RNMT: variants seen among roughly 807,000 people sequenced by gnomAD.
The protein encoded by RNMT is RNA guanine-7 methyltransferase.
RNMT carries 27 observed loss-of-function variants against 56.0 expected under a neutral mutation model. That is an observed-to-expected ratio of 0.48 (90% CI 0.36 to 0.67). The LOEUF is 0.67. Among genes scored for constraint, RNMT ranks in the 30% least tolerant of loss-of-function variants. The probability of loss-of-function intolerance (pLI) is 0.00; values close to 1 mark genes in which losing one functional copy is unlikely to be tolerated. For missense variants in RNMT, 519 were observed against 552.1 expected (o/e 0.94, Z 0.60); for synonymous variants, 184 against 176.2 (o/e 1.04, Z -0.35).
At chr18:13,729,871 C>T (rs2044038220) in intron 1 of RNMT, among the ~76,000 whole-genome samples, 1 of 151,778 alleles carries the variant, frequency 6.6e-6, no homozygotes, top group Admixed American at 6.6e-5. Context: ...ACAATCATGG[C>T]TCACTGCAGC....
At chr18:13,728,896 G>T (rs1210429325) in intron 1 of RNMT, among the ~76,000 whole-genome samples, 1 of 152,000 alleles carries the variant, frequency 6.6e-6, no homozygotes, top group Non-Finnish European at 1.5e-5. Flanking sequence ...TCAGATGAAT[G>T]GTTTTGCAGA....
rs368228163 is a variant in RNMT at position 13,734,422 on chromosome 18, T to C, written c.418-42T>C. 3.8e-6 allele frequency: 6 copies of C among 1,560,130 alleles called. No homozygotes were observed. In the African/African-American group the frequency reaches 6.9e-5, roughly 18 times the overall value. ...AATGTTCTGAGGCTTATTTTTACCATGTTCTGATCCTTGATTTTTTTCTAT... is the reference window on the plus strand; with the variant it reads ...AATGTTCTGAGGCTTATTTTTACCACGTTCTGATCCTTGATTTTTTTCTAT... On this transcript the variant is annotated intron_variant, in intron 3 of 11. Coordinates refer to ENST00000383314, the MANE Select transcript of RNMT (RefSeq NM_003799.3).
At chr18:13,737,923 T>G (rs2044190489) in intron 5 of RNMT, among the ~76,000 whole-genome samples, 2 of 152,124 alleles carry the variant, frequency 1.3e-5, no homozygotes, top group Admixed American at 1.3e-4. Context: ...TTTTCATTCT[T>G]TATGAAATAA....
Position 13,754,112 on chromosome 18 carries a change from A to T in RNMT, c.1360-2A>T. On this transcript the variant is annotated splice_acceptor_variant, in intron 10 of 11. Transcript: ENST00000383314. LOFTEE classifies it high-confidence loss of function. ...TTTTCTTTTTCTCTTTTGTAATTTT[A>T]GGGAACCTTAAGTAAATCAGAATGG... is the stretch of plus-strand genomic sequence containing the variant. The T allele has an allele frequency of 6.5e-7, 1 of 1,533,294 alleles. No individual in the cohort carries two copies. Among genetic ancestry groups the T allele is most frequent in the Non-Finnish European group, 9.0e-7 (1 of 1,109,458 alleles). The allele number at this position is 1,533,294 out of a possible 1,614,324, so 95.0% of individuals were successfully genotyped here. A position where few individuals can be genotyped will look rare whatever the true frequency, so the allele number is the denominator to read the frequency against.
intron 6 of RNMT, among the ~76,000 whole-genome samples, chr18:13,741,157 A>G (rs1380694808): frequency 6.6e-6 from 1 of 151,226 alleles, no homozygotes; most frequent in African/African-American, 2.4e-5. Context: ...ACATTTTTGC[A>G]TTTTTTAAAA....
chr18:13,748,986 G>A (rs2044396342), intron 9 of RNMT, among the ~76,000 whole-genome samples: 1 of 152,178 alleles, frequency 6.6e-6, no homozygotes, highest in Non-Finnish European at 1.5e-5. Flanking sequence ...GGCTGAGGCA[G>A]GAGAATCACT....
intron 9 of RNMT, among the ~76,000 whole-genome samples, chr18:13,746,637 A>G (rs1269143317): frequency 6.6e-6 from 1 of 152,174 alleles, no homozygotes; most frequent in Non-Finnish European, 1.5e-5. Flanking sequence ...GATGCTGTGC[A>G]TTGTAGGATA....
chr18:13,742,910 A>G, intron 8 of RNMT: 1 of 269,956 alleles, frequency 3.7e-6, no homozygotes. Context: ...CTGTGGGTGA[A>G]AAAGGGAACC....
At position 13,741,605 on chromosome 18, in the gene RNMT, G is replaced by A. The variant is rs2149092288; in HGVS notation, c.888G>A (p.Gln296=). ...VCHYSFESYE[Q]ADMMLRNACE... ...ATTACTCATTTGAGTCTTATGAGCA[G>A]GCTGACATGATGCTGAGAAATGCGT... is the stretch of plus-strand genomic sequence containing the variant. The change falls in exon 7 of 12, where the codon CAG becomes CAA. Residue 296 remains glutamine, a synonymous_variant. Transcript: ENST00000383314. 1 of 1,613,976 alleles carries A rather than the reference G, an allele frequency of 6.2e-7. No homozygotes were observed. The highest frequency in any genetic ancestry group is 8.5e-7 in the Non-Finnish European group (1 of 1,179,880).
At chr18:13,749,836 C>T (rs2044411561) in intron 9 of RNMT, among the ~76,000 whole-genome samples, 1 of 145,826 alleles carries the variant, frequency 6.9e-6, no homozygotes, top group Non-Finnish European at 1.5e-5. Context: ...CCCTTCTCCC[C>T]CAGCCTCACC....
In RNMT at chr18:13,726,694, C is replaced by G. The variant is rs1039907524; in HGVS notation, c.-207C>G. 4 of 152,298 alleles carry G rather than the reference C, an allele frequency of 2.6e-5. No individual in the cohort carries two copies. Among genetic ancestry groups the G allele is most frequent in the Non-Finnish European group, 4.4e-5 (3 of 68,106 alleles). 9.4% of individuals were successfully genotyped at this position (152,298 alleles called of 1,614,324 possible). On this transcript the variant is annotated 5_prime_UTR_variant, in exon 1 of 12. Transcript: ENST00000383314. ...AAGCAGACACGCGTGGCGCGGGCCG[C>G]CGTTTCCGCAAACAGAATCGCGTTT...
chr18:13,730,328 A>G (rs966101105), intron 1 of RNMT: 3 of 152,176 alleles, frequency 2.0e-5, no homozygotes, highest in African/African-American at 7.2e-5. Context: ...GAGTCCTGAA[A>G]CTTGTCTAAA....
At position 13,751,349 on chromosome 18, in the gene RNMT, C is replaced by G. The variant is rs2044442866; in HGVS notation, c.1258-977C>G. ...TCTCAAAACACGACATTTATGCAGC[C>G]AACAGACACAGAGGAAATGCTCATC... is the stretch of plus-strand genomic sequence containing the variant. On this transcript the variant is annotated intron_variant, in intron 9 of 11. Transcript: ENST00000383314. Among the ~76,000 whole-genome samples the G allele has an allele frequency of 2.6e-5, 4 of 152,190 alleles. No homozygotes were observed. In the South Asian group the frequency reaches 8.3e-4, roughly 32 times the overall value.
In RNMT at chr18:13,752,345, G is replaced by A. The variant is rs1277066203; in HGVS notation, c.1277G>A (p.Ser426Asn). 6.2e-7 allele frequency: 1 copy of A among 1,612,034 alleles called. No individual in the cohort carries two copies. The highest frequency in any genetic ancestry group is 8.5e-7 in the Non-Finnish European group (1 of 1,178,400). ...QALEPYPANE[S>N]SKLVSEKVDD... ...CCCCAGCCATATCCTGCAAATGAGA[G>A]TTCTAAACTTGTCTCTGAGAAGGTG... The change falls in exon 10 of 12, where the codon AGT becomes AAT. Residue 426 changes from serine (S) to asparagine (N), a missense_variant. Coordinates refer to ENST00000383314, the MANE Select transcript of RNMT (RefSeq NM_003799.3).
At chr18:13,759,007 A>G (rs1329854810) in intron 11 of RNMT, among the ~76,000 whole-genome samples, 2 of 152,158 alleles carry the variant, frequency 1.3e-5, no homozygotes, top group African/African-American at 2.4e-5. Flanking sequence ...CATGACATTT[A>G]TGAGTTCTCC....
chr18:13,732,762 T>TCC (rs142277511), intron 3 of RNMT, among the ~76,000 whole-genome samples: 11 of 98,692 alleles, frequency 1.1e-4, no homozygotes, highest in East Asian at 3.3e-4. Context: ...TTTTTTTTTT[T>TCC]GGAGACAGAG....
chr18:13,737,405 T>C (rs1193577276), intron 5 of RNMT, among the ~76,000 whole-genome samples: 1 of 152,082 alleles, frequency 6.6e-6, no homozygotes, highest in Non-Finnish European at 1.5e-5. Context: ...TAGCTGGGCA[T>C]GGTGGTGCAC....
In RNMT at chr18:13,731,799, T is replaced by C. The variant is rs2044074879; in HGVS notation, c.282T>C (p.Asp94=). The part of the protein sequence containing the change: ...LDPEIVPEEK[D]CGDAEGNSKK... ...CTGAAATTGTCCCAGAGGAAAAAGA[T>C]TGTGGTGATGCTGAAGGCAATTCAA... Residue 94 remains aspartate (D), a synonymous_variant, in exon 3 of 12, where the codon GAT becomes GAC. Transcript: ENST00000383314. The C allele has an allele frequency of 1.9e-6, 3 of 1,613,600 alleles. No homozygotes were observed. Among genetic ancestry groups the C allele is most frequent in the Admixed American group, 1.7e-5 (1 of 59,952 alleles).
intron 8 of RNMT, among the ~76,000 whole-genome samples, chr18:13,743,329 AAAATAAAT>A (rs149097059): frequency 0.014 from 436 of 31,832 alleles, 15 homozygotes; most frequent in Admixed American, 0.023. Flanking sequence ...TCTCAAAAAA[AAAATAAAT>A]AAATAAATAA....
Sources: allele counts gnomAD v4.1 joint callset (sites outside exome capture counted in the v4.1 genomes callset), GRCh38; gene constraint gnomAD v4.1.1; transcripts MANE v1.5; gene names NCBI Gene and HGNC (gene_info 2026-07-23, HGNC 2026-07-21).